The following GYS2 variants were observed in gnomAD, a reference collection of about 807,000 sequenced individuals.
GYS2 encodes glycogen synthase 2.
In GYS2, 80 loss-of-function variants were observed where a neutral mutation model predicts 85.6. The observed-to-expected ratio is 0.93, with a 90% CI of 0.78 to 1.13. The LOEUF (loss-of-function observed/expected upper bound fraction) is 1.13. Among genes scored for constraint, GYS2 ranks in the 50% most tolerant of loss-of-function variants. The probability of loss-of-function intolerance (pLI) is 0.00; values close to 1 mark genes in which losing one functional copy is unlikely to be tolerated. For synonymous variants in GYS2, 328 were observed against 300.7 expected (o/e 1.09, Z -0.94); for missense variants, 881 against 854.9 (o/e 1.03, Z -0.38).
intron 2 of GYS2, among the ~76,000 whole-genome samples, chr12:21,578,186 T>C (rs868639289): frequency 1.1e-4 from 17 of 152,328 alleles, no homozygotes; most frequent in Middle Eastern, 6.8e-3. Flanking sequence ...TTTCTCCCCT[T>C]TAAGACCTCC....
chr12:21,577,783 A>C (rs1427465529), intron 2 of GYS2, among the ~76,000 whole-genome samples: 2 of 152,192 alleles, frequency 1.3e-5, no homozygotes, highest in African/African-American at 2.4e-5. Context: ...ATGAGTAGGA[A>C]GGAAAGTTAC....
chr12:21,542,053 T>TC (rs35338877), intron 13 of GYS2, among the ~76,000 whole-genome samples: 2 of 33,894 alleles, frequency 5.9e-5, no homozygotes, highest in Non-Finnish European at 2.3e-4. Flanking sequence ...ATAAATCTAC[T>TC]TTTTTTTTTT....
intron 1 of GYS2, among the ~76,000 whole-genome samples, chr12:21,597,296 G>C (rs549389642): frequency 6.6e-6 from 1 of 152,160 alleles, no homozygotes; most frequent in African/African-American, 2.4e-5. Context: ...GAAAATATTT[G>C]CATACATTTG....
intron 1 of GYS2, among the ~76,000 whole-genome samples, chr12:21,589,857 C>T (rs541684358): frequency 1.9e-4 from 29 of 152,226 alleles, no homozygotes; most frequent in African/African-American, 4.3e-4. Flanking sequence ...CAGCAAGGTG[C>T]CATTTTGAGA....
chr12:21,588,875 GCAAC>G (rs1340435147), intron 1 of GYS2, among the ~76,000 whole-genome samples: 1 of 152,192 alleles, frequency 6.6e-6, no homozygotes, highest in Non-Finnish European at 1.5e-5. Context: ...ATTTGCAAGG[GCAAC>G]TAAAATGAAG....
intron 11 of GYS2, among the ~76,000 whole-genome samples, chr12:21,553,321 A>G (rs1286157327): frequency 3.3e-5 from 5 of 152,262 alleles, no homozygotes; most frequent in Admixed American, 1.3e-4. Context: ...TACAAAATTG[A>G]TAAGTGTCAG....
Position 21,568,876 on chromosome 12 carries a change from T to A in GYS2, c.812A>T (p.Lys271Met). 6.2e-7 allele frequency: 1 copy of A among 1,613,006 alleles called. No individual in the cohort carries two copies. Among genetic ancestry groups the A allele is most frequent in the Non-Finnish European group, 8.5e-7 (1 of 1,178,906 alleles). ...ITAIEAEHML[K>M]RKPDVVTPNG... Reference sequence around the variant, plus strand: ...GGGATAATAATTACCAGGCTTTCTCTTCAGCATATGTTCAGCTTCTATTGC... The same window carrying A: ...GGGATAATAATTACCAGGCTTTCTCATCAGCATATGTTCAGCTTCTATTGC... Residue 271 changes from lysine (K) to methionine (M), a missense_variant, in exon 5 of 16, where the codon AAG (lysine) becomes ATG (methionine). Coordinates refer to ENST00000261195, the MANE Select transcript of GYS2 (RefSeq NM_021957.4).
In GYS2 at chr12:21,574,289, T is replaced by G; in HGVS notation, c.533A>C (p.Gln178Pro). ...DHADGKYVVA[Q>P]FHEWQAGIGL... The stretch of plus-strand genomic sequence containing the variant: ...AATTCCAGCCTGCCATTCATGGAAT[T>G]GGGCAACGACATATTTACCATCTGC... The change falls in exon 4 of 16, where the codon CAA becomes CCA. Residue 178 changes from glutamine to proline, a missense_variant. Coordinates refer to ENST00000261195, the MANE Select transcript of GYS2 (RefSeq NM_021957.4). The G allele has an allele frequency of 6.2e-7, 1 of 1,614,016 alleles. No homozygotes were observed. The highest frequency in any genetic ancestry group is 8.5e-7 in the Non-Finnish European group (1 of 1,179,912).
intron 1 of GYS2, among the ~76,000 whole-genome samples, chr12:21,595,576 A>G (rs1944686298): frequency 6.6e-6 from 1 of 152,176 alleles, no homozygotes; most frequent in Admixed American, 6.5e-5. Flanking sequence ...CATTACTAAC[A>G]TTGAATGTAA....
chr12:21,533,594 T>C (rs552319851), downstream of GYS2, among the ~76,000 whole-genome samples: 1 of 152,330 alleles, frequency 6.6e-6, no homozygotes, highest in South Asian at 2.1e-4. Flanking sequence ...GTTCATTCAG[T>C]GAAGACTCTT....
chr12:21,594,030 G>A (rs992915307), intron 1 of GYS2, among the ~76,000 whole-genome samples: 2 of 152,062 alleles, frequency 1.3e-5, no homozygotes, highest in African/African-American at 4.8e-5. Flanking sequence ...TACAGAAAAA[G>A]TATTTGATAA....
intron 11 of GYS2, among the ~76,000 whole-genome samples, chr12:21,553,262 T>C (rs190726748): frequency 6.6e-6 from 1 of 152,358 alleles, no homozygotes; most frequent in African/African-American, 2.4e-5. Context: ...GGTTATTTTA[T>C]GACCATTCAC....
At chr12:21,586,440 T>TATCTATC (rs1290505191) in intron 1 of GYS2, among the ~76,000 whole-genome samples, 104 of 152,020 alleles carry the variant, frequency 6.8e-4, no homozygotes, top group Non-Finnish European at 1.2e-3. Context: ...TCTATCTATC[T>TATCTATC]ATCTATCTAT....
At chr12:21,550,136 A>G (rs1175397842) in intron 11 of GYS2, among the ~76,000 whole-genome samples, 1 of 152,172 alleles carries the variant, frequency 6.6e-6, no homozygotes, top group African/African-American at 2.4e-5. Flanking sequence ...TTTTTGACAC[A>G]AGAAGTTCCA....
intron 1 of GYS2, among the ~76,000 whole-genome samples, chr12:21,593,494 C>T (rs1440569287): frequency 6.6e-6 from 1 of 151,714 alleles, no homozygotes; most frequent in Admixed American, 6.6e-5. Flanking sequence ...AACAACCATA[C>T]ACTAAAAAAC....
intron 5 of GYS2, among the ~76,000 whole-genome samples, chr12:21,567,174 C>T (rs1236761380): frequency 6.6e-6 from 1 of 151,894 alleles, no homozygotes; most frequent in East Asian, 1.9e-4. Flanking sequence ...AGCCAGAGTC[C>T]CAGGGGCTAA....
At chr12:21,584,934 A>G (rs144876701) in intron 1 of GYS2, among the ~76,000 whole-genome samples, 1 of 152,284 alleles carries the variant, frequency 6.6e-6, no homozygotes, top group East Asian at 1.9e-4. Context: ...CATGATCCCT[A>G]TCATCCTGAA....
intron 5 of GYS2, among the ~76,000 whole-genome samples, chr12:21,567,220 A>G (rs892436136): frequency 6.6e-6 from 1 of 152,196 alleles, no homozygotes; most frequent in African/African-American, 2.4e-5. Flanking sequence ...GTTTACTCTT[A>G]TAAGATATTT....
At position 21,563,236 on chromosome 12, in the gene GYS2, A is replaced by G. The variant is rs756702283; in HGVS notation, c.933T>C (p.His311=). Residue 311 remains histidine (H), a synonymous_variant, in exon 6 of 16, where the codon CAT becomes CAC. Coordinates refer to ENST00000261195, the MANE Select transcript of GYS2 (RefSeq NM_021957.4). Reference sequence around the variant, plus strand: ...AATAAAGAAAATCATACCCATAGAAATGACCTCGAACAAAATCTTGGATTC... The same window carrying G: ...AATAAAGAAAATCATACCCATAGAAGTGACCTCGAACAAAATCTTGGATTC... ...KARIQDFVRG[H]FYGHLDFDLE... 6.3e-7 allele frequency: 1 copy of G among 1,586,280 alleles called. No individual in the cohort carries two copies. The highest frequency in any genetic ancestry group is 8.7e-7 in the Non-Finnish European group (1 of 1,154,736).
Sources: gnomAD v4.1 joint callset for allele counts (sites outside exome capture counted in the v4.1 genomes callset) on GRCh38, gnomAD v4.1.1 for gene constraint, MANE v1.5 for transcripts, NCBI Gene and HGNC (gene_info 2026-07-23, HGNC 2026-07-21) for gene names.